The following CELSR1 variants were observed in gnomAD, a reference collection of about 807,000 sequenced individuals.
CELSR1 encodes adhesion G protein-coupled receptor C1.
A neutral mutation model predicts 249.1 loss-of-function variants in CELSR1; 110 were observed. The observed-to-expected ratio is 0.44, with a 90% CI of 0.38 to 0.52. The LOEUF (loss-of-function observed/expected upper bound fraction) is 0.52. CELSR1 is among the 20% of genes least tolerant of loss of function. The pLI is 0.00. For synonymous variants in CELSR1, 2,113 were observed against 1,900.0 expected (o/e 1.11, Z -2.92); for missense variants, 4,109 against 4,296.4 (o/e 0.96, Z 1.22).
chr22:46,481,555 T>A, intron 1 of CELSR1: 2 of 1,166,640 alleles, frequency 1.7e-6, no homozygotes, highest in Non-Finnish European at 2.5e-6. Flanking sequence ...AGCCTGGGCT[T>A]AAGCCAGAGG....
chr22:46,460,772 G>T (rs1266209859), intron 2 of CELSR1, among the ~76,000 whole-genome samples: 1 of 152,168 alleles, frequency 6.6e-6, no homozygotes, highest in African/African-American at 2.4e-5. Context: ...TCCCAACGCC[G>T]TGAGCGGGTG....
In CELSR1 at chr22:46,446,019, C is replaced by T. The variant is rs1305739192; in HGVS notation, c.4184-6608G>A. 6.6e-6 allele frequency among the ~76,000 whole-genome samples: 1 copy of T among 152,158 alleles called. No individual in the cohort carries two copies. Among genetic ancestry groups the T allele is most frequent in the Non-Finnish European group, 1.5e-5 (1 of 68,036 alleles). Reference sequence around the variant, plus strand: ...TCCCTTGCCTCGCGACAGCACAGTCCTCCACAACGCTGGCCTCACCATGTG... The same window carrying T: ...TCCCTTGCCTCGCGACAGCACAGTCTTCCACAACGCTGGCCTCACCATGTG... On this transcript the variant is annotated intron_variant, in intron 2 of 34. Transcript: ENST00000674500. This position sits in a 1 kb window ranked among gnomAD's most constrained non-coding sequence, Gnocchi z 5.5.
chr22:46,431,241 C>T (rs1307545917), intron 5 of CELSR1, among the ~76,000 whole-genome samples: 2 of 152,198 alleles, frequency 1.3e-5, no homozygotes, highest in Non-Finnish European at 2.9e-5. Context: ...CGGCCACAGG[C>T]GGGCCCCAGT....
chr22:46,487,160 A>C (rs767257258), intron 1 of CELSR1, among the ~76,000 whole-genome samples: 12 of 152,126 alleles, frequency 7.9e-5, no homozygotes, highest in Non-Finnish European at 1.6e-4. Flanking sequence ...TGACGCTAAT[A>C]TCACATATCC....
intron 1 of CELSR1, among the ~76,000 whole-genome samples, chr22:46,486,325 A>T (rs2080312783): frequency 6.7e-6 from 1 of 149,562 alleles, no homozygotes; most frequent in African/African-American, 2.5e-5. Context: ...AGGAGAGTGG[A>T]TCACTTGAGG....
chr22:46,439,497 C>A, intron 2 of CELSR1, 86 bp from the exon 3 acceptor site: 1 of 1,087,744 alleles, frequency 9.2e-7, no homozygotes, highest in Non-Finnish European at 1.3e-6. Context: ...CCTGGACACA[C>A]CCCAGCCACA....
chr22:46,510,675 G>T (rs1332219719), intron 1 of CELSR1, among the ~76,000 whole-genome samples: 1 of 152,114 alleles, frequency 6.6e-6, no homozygotes, highest in African/African-American at 2.4e-5. Context: ...TGGGTTTGGG[G>T]GTGTTTTCCT....
At chr22:46,439,461 G>A (rs903815419) in intron 2 of CELSR1, 50 bp from the exon 3 acceptor site, 6 of 1,513,730 alleles carry the variant, frequency 4.0e-6, no homozygotes, top group Admixed American at 3.9e-5. Flanking sequence ...ACCAGCCAGG[G>A]AAAAGCCAAC....
rs375589385 is a variant in CELSR1 at position 46,363,228 on chromosome 22, T to A, written c.9055A>T (p.Ile3019Phe). Reference sequence around the variant, plus strand: ...GAAGTTTCATTACTGATGGTTCAAATTGAAGTTTCATTACTGCCTCTGCGC... The same window carrying A: ...GAAGTTTCATTACTGATGGTTCAAAATGAAGTTTCATTACTGCCTCTGCGC... The part of the protein sequence containing the change: ...SDSEGSNETS[I>F] Residue 3019 changes from isoleucine to phenylalanine, a missense_variant, in exon 35 of 35, where the codon ATT becomes TTT. Transcript: ENST00000674500. This position sits in a 1 kb window ranked among gnomAD's most constrained non-coding sequence, Gnocchi z 4.3. 1 of 1,613,282 alleles carries A rather than the reference T, an allele frequency of 6.2e-7. No individual in the cohort carries two copies. Among genetic ancestry groups the A allele is most frequent in the Non-Finnish European group, 8.5e-7 (1 of 1,179,758 alleles).
chr22:46,369,672 C>T lies in CELSR1; in HGVS notation c.7872+20G>A, dbSNP rs757672894. The stretch of plus-strand genomic sequence containing the variant: ...TGCATGTTTGGGGCACCCGGACTCC[C>T]GTGAAGGCCCCACACTCACGATTAT... On this transcript the variant is annotated intron_variant, in intron 26 of 34. Transcript: ENST00000674500. The T allele has an allele frequency of 6.2e-6, 10 of 1,606,260 alleles. No individual in the cohort carries two copies. Among genetic ancestry groups the T allele is most frequent in the East Asian group, 4.5e-5 (2 of 44,828 alleles).
At chr22:46,478,707 TA>T (rs201953563) in intron 1 of CELSR1, among the ~76,000 whole-genome samples, 71 of 66,192 alleles carry the variant, frequency 1.1e-3, no homozygotes, top group African/African-American at 1.9e-3. Context: ...CATGCCCAGC[TA>T]AAATTTTTTT....
rs376723999 is a variant in CELSR1 at position 46,393,297 on chromosome 22, G to A, written c.5964+845C>T. 6.6e-6 allele frequency among the ~76,000 whole-genome samples: 1 copy of A among 152,342 alleles called. No individual in the cohort carries two copies. The highest frequency in any genetic ancestry group is 2.4e-5 in the African/African-American group (1 of 41,580). On this transcript the variant is annotated intron_variant, in intron 14 of 34. Transcript: ENST00000674500. The surrounding 1 kb of genome is among the most constrained non-coding windows in gnomAD (Gnocchi z 4.1). ...GGTCCCTAGAGTCTGCACTGAGAAC[G>A]CGTGTGCATTTCTGGAGACACGAGA...
chr22:46,510,364 A>C (rs1220832609), intron 1 of CELSR1, among the ~76,000 whole-genome samples: 1 of 152,030 alleles, frequency 6.6e-6, no homozygotes, highest in African/African-American at 2.4e-5. Context: ...CGGAGGCTGG[A>C]ACGCACCCCC....
intron 20 of CELSR1, among the ~76,000 whole-genome samples, chr22:46,383,466 T>TA (rs2079000179): frequency 6.6e-6 from 1 of 152,220 alleles, no homozygotes; most frequent in Non-Finnish European, 1.5e-5. Flanking sequence ...TTCTGGCTTT[T>TA]TTGTTGTTGT....
intron 4 of CELSR1, among the ~76,000 whole-genome samples, chr22:46,435,427 A>G (rs1245560884): frequency 2.0e-5 from 3 of 150,882 alleles, no homozygotes; most frequent in Non-Finnish European, 1.5e-5. Context: ...GATTACAGGC[A>G]AGTGCCACCA....
intron 13 of CELSR1, 23 bp from the exon 14 acceptor site, chr22:46,394,285 G>A: frequency 6.2e-7 from 1 of 1,607,408 alleles, no homozygotes; most frequent in Non-Finnish European, 8.5e-7. Context: ...TAAGAGGGCA[G>A]CTGGAAGGTT....
chr22:46,499,550 T>C (rs1287608681), intron 1 of CELSR1, among the ~76,000 whole-genome samples: 2 of 152,128 alleles, frequency 1.3e-5, no homozygotes, highest in Non-Finnish European at 2.9e-5. Context: ...GATAAATCCA[T>C]CCAATTGTAT....
At chr22:46,507,454 C>T (rs1327487992) in intron 1 of CELSR1, among the ~76,000 whole-genome samples, 1 of 152,066 alleles carries the variant, frequency 6.6e-6, no homozygotes, top group African/African-American at 2.4e-5. Flanking sequence ...CAGCGTACTC[C>T]AGCTGCCCCA....
In CELSR1 at chr22:46,367,923, C is replaced by T. The variant is rs932920209; in HGVS notation, c.7953-68G>A. The T allele has an allele frequency of 2.0e-5, 30 of 1,526,112 alleles. No homozygotes were observed. In the African/African-American group the frequency reaches 2.5e-4, roughly 13 times the overall value. The allele number at this position is 1,526,112 out of a possible 1,614,324, so 94.5% of individuals were successfully genotyped here. A position where few individuals can be genotyped will look rare whatever the true frequency, so the allele number is the denominator to read the frequency against. On this transcript the variant is annotated intron_variant, in intron 27 of 34. Transcript: ENST00000674500. ...TGCTCCCTTCCTCCCTCCCTCTCTG[C>T]ACGTCCACCTGTCCACCTGCCTGCC...
Sources: allele counts gnomAD v4.1 joint callset (sites outside exome capture counted in the v4.1 genomes callset), GRCh38; gene constraint gnomAD v4.1.1; non-coding constraint Gnocchi (gnomAD v3.1); transcripts MANE v1.5; gene names NCBI Gene and HGNC (gene_info 2026-07-23, HGNC 2026-07-21).